NRK: variants seen among roughly 807,000 people sequenced by gnomAD.
NRK encodes Nik related kinase, also known as nik-related protein kinase.
A neutral mutation model predicts 125.2 loss-of-function variants in NRK; 67 were observed. That is an observed-to-expected ratio of 0.54 (90% CI 0.44 to 0.66). The LOEUF (loss-of-function observed/expected upper bound fraction) is 0.66, where lower values mean the gene tolerates loss of function less well. Among genes scored for constraint, NRK ranks in the 30% least tolerant of loss-of-function variants. The pLI is 0.00. For synonymous variants in NRK, 458 were observed against 429.0 expected (o/e 1.07, Z -0.84); for missense variants, 1,224 against 1,192.9 (o/e 1.03, Z -0.38).
At chrX:105,905,016 A>G (rs997621056) in intron 9 of NRK, among the ~76,000 whole-genome samples, 1 of 112,304 alleles carries the variant, frequency 8.9e-6, no homozygotes, top group African/African-American at 3.2e-5. Flanking sequence ...CATTTCAAAT[A>G]TTTTGTCTAG....
At chrX:105,858,382 G>GTTT (rs34843921) in intron 2 of NRK, among the ~76,000 whole-genome samples, 77 of 96,946 alleles carry the variant, frequency 7.9e-4, no homozygotes, top group African/African-American at 2.8e-3. Flanking sequence ...ACCATCTCCA[G>GTTT]TTTTTTTTTT....
chrX:105,826,683 A>G lies in NRK; in HGVS notation c.57+3781A>G, dbSNP rs982400174. Among the ~76,000 whole-genome samples, 57 of 109,369 alleles carry G rather than the reference A, an allele frequency of 5.2e-4. 1 individual carries two copies. Among genetic ancestry groups the G allele is most frequent in the Middle Eastern group, 4.7e-3 (1 of 214 alleles). 95.0% of individuals were successfully genotyped at this position (109,369 alleles called of 115,157 possible). ...TATATTTGAAATACATTAGGCTTAT[A>G]TTTAAATATAACTGCCAGCTCTACC... is the stretch of plus-strand genomic sequence containing the variant. On this transcript the variant is annotated intron_variant, in intron 1 of 28. Coordinates refer to ENST00000243300, the MANE Select transcript of NRK (RefSeq NM_198465.4).
chrX:105,944,801 G>A (rs762994), intron 24 of NRK, among the ~76,000 whole-genome samples: 1,727 of 111,708 alleles, frequency 0.015, 35 homozygotes, highest in African/African-American at 0.053. Flanking sequence ...TTCCAAGCTG[G>A]AACTCTAAAC....
At chrX:105,854,359 T>C (rs1004734125) in intron 2 of NRK, among the ~76,000 whole-genome samples, 14 of 111,782 alleles carry the variant, frequency 1.3e-4, no homozygotes, top group African/African-American at 4.2e-4. Flanking sequence ...GTAAGTTAAC[T>C]CTTGGTTATT....
intron 19 of NRK, among the ~76,000 whole-genome samples, chrX:105,930,748 G>A (rs934639174): frequency 9.0e-6 from 1 of 110,682 alleles, no homozygotes; most frequent in Admixed American, 9.6e-5. Flanking sequence ...TCCATAGATG[G>A]GTCCTGGGGT....
chrX:105,952,016 G>A (rs1602709462), intron 27 of NRK, among the ~76,000 whole-genome samples: 1 of 112,093 alleles, frequency 8.9e-6, no homozygotes, highest in East Asian at 2.8e-4. Context: ...CCTTATATCT[G>A]GAGTTATTTT....
At chrX:105,901,592 A>T (rs922683187) in intron 9 of NRK, among the ~76,000 whole-genome samples, 1 of 111,251 alleles carries the variant, frequency 9.0e-6, no homozygotes, top group African/African-American at 3.3e-5. Flanking sequence ...GAACTATCTT[A>T]GCATTTTGTT....
intron 9 of NRK, among the ~76,000 whole-genome samples, chrX:105,902,292 G>T (rs1045554327): frequency 3.6e-5 from 4 of 111,112 alleles, no homozygotes; most frequent in African/African-American, 1.3e-4. Context: ...GGCCTGCCTG[G>T]GTCAGTAATT....
At chrX:105,939,808 T>G in intron 22 of NRK, 66 bp from the exon 23 acceptor site, 1 of 677,268 alleles carries the variant, frequency 1.5e-6, no homozygotes, top group Non-Finnish European at 2.1e-6. Flanking sequence ...TATCTTTACT[T>G]TTTTTTCTTC....
At chrX:105,867,570 C>T (rs2039688522) in intron 2 of NRK, among the ~76,000 whole-genome samples, 1 of 112,115 alleles carries the variant, frequency 8.9e-6, no homozygotes, top group Non-Finnish European at 1.9e-5. Flanking sequence ...TTTGTGCCTG[C>T]ATTTGAATTC....
intron 12 of NRK, 96 bp from the exon 13 acceptor site, chrX:105,908,631 A>G: frequency 9.3e-7 from 1 of 1,075,297 alleles, no homozygotes. Flanking sequence ...TCATTGCAGA[A>G]AATGTCCATC....
intron 7 of NRK, among the ~76,000 whole-genome samples, chrX:105,897,137 A>G (rs1381136047): frequency 1.8e-5 from 2 of 112,514 alleles, no homozygotes; most frequent in African/African-American, 6.5e-5. Flanking sequence ...TTAGAGTTTA[A>G]TCAGATTTAC....
At chrX:105,835,897 C>T (rs1354272899) in intron 2 of NRK, among the ~76,000 whole-genome samples, 1 of 111,713 alleles carries the variant, frequency 9.0e-6, no homozygotes, top group Non-Finnish European at 1.9e-5. Flanking sequence ...TGCTCTTTAG[C>T]AGTTCACTAA....
At chrX:105,875,574 G>A (rs959718549) in intron 2 of NRK, among the ~76,000 whole-genome samples, 1 of 111,024 alleles carries the variant, frequency 9.0e-6, no homozygotes, top group African/African-American at 3.3e-5. Context: ...ATACCTTGTT[G>A]TAGGTTGTGG....
intron 1 of NRK, among the ~76,000 whole-genome samples, chrX:105,828,034 A>G (rs1229285217): frequency 1.8e-5 from 2 of 112,136 alleles, no homozygotes; most frequent in Admixed American, 9.5e-5. Context: ...TTGGAAACCC[A>G]GAATAAACTT....
chrX:105,871,461 T>C (rs994910291), intron 2 of NRK, among the ~76,000 whole-genome samples: 1 of 108,036 alleles, frequency 9.3e-6, no homozygotes, highest in Non-Finnish European at 1.9e-5. Context: ...GTTTGGTATA[T>C]AAATTATCTT....
chrX:105,904,793 A>G (rs1315590834), intron 9 of NRK, among the ~76,000 whole-genome samples: 2 of 110,193 alleles, frequency 1.8e-5, no homozygotes, highest in Non-Finnish European at 3.8e-5. Flanking sequence ...TTTTTCTAGA[A>G]CTCTCAGCTT....
intron 2 of NRK, among the ~76,000 whole-genome samples, chrX:105,832,895 G>T (rs1440973401): frequency 9.1e-6 from 1 of 110,455 alleles, no homozygotes; most frequent in African/African-American, 3.3e-5. Context: ...AGGTGCAGTG[G>T]GTGTGCACCT....
rs2040278894 is a variant in NRK, at chrX:105,910,022, T to A, written c.2241+140T>A. The A allele has an allele frequency of 3.8e-5, 17 of 451,187 alleles. No homozygotes were observed. The Admixed American group carries it at 6.6e-4, about 18-fold the overall frequency. The allele number at this position is 451,187 out of a possible 1,213,427, so 37.2% of individuals were successfully genotyped here. A position where few individuals can be genotyped will look rare whatever the true frequency, so the allele number is the denominator to read the frequency against. Reference sequence around the variant, plus strand: ...AGAAGATATACTAAATAATTTGTACTTCAAATAAATTTTCATGAAATTTCT... The same window carrying A: ...AGAAGATATACTAAATAATTTGTACATCAAATAAATTTTCATGAAATTTCT... On this transcript the variant is annotated intron_variant, in intron 13 of 28. Transcript: ENST00000243300.
Sources: gnomAD v4.1 joint callset for allele counts (sites outside exome capture counted in the v4.1 genomes callset) on GRCh38, gnomAD v4.1.1 for gene constraint, MANE v1.5 for transcripts, NCBI Gene and HGNC (gene_info 2026-07-23, HGNC 2026-07-21) for gene names.